Variants in TENM3 observed in about 807,000 individuals in gnomAD.
The protein encoded by TENM3 is teneurin-3.
TENM3 carries 63 observed loss-of-function variants against 255.1 expected under a neutral mutation model. That is an observed-to-expected ratio of 0.25 (90% CI 0.20 to 0.30). The LOEUF (loss-of-function observed/expected upper bound fraction) is 0.30, where lower values mean the gene tolerates loss of function less well. TENM3 is among the 10% of genes least tolerant of loss of function. The pLI, the probability that TENM3 is intolerant of heterozygous loss-of-function variation, is 1.00. For synonymous variants in TENM3, 1,306 were observed against 1,322.3 expected (o/e 0.99, Z 0.27); for missense variants, 2,929 against 3,461.1 (o/e 0.85, Z 3.86).
At chr4:181,514,845 T>G in the TENM3 span, among the ~76,000 whole-genome samples, 2 of 152,134 alleles carry the variant, frequency 1.3e-5, no homozygotes, top group Non-Finnish European at 2.9e-5. Flanking sequence ...AGAATGGATA[T>G]CGAATGGAAA....
intron 12 of TENM3, among the ~76,000 whole-genome samples, chr4:182,713,581 A>G (rs1394313105): frequency 6.6e-6 from 1 of 152,206 alleles, no homozygotes; most frequent in African/African-American, 2.4e-5. Context: ...GATAAAATTA[A>G]TGTTCTCTTT....
the TENM3 span, among the ~76,000 whole-genome samples, chr4:181,813,638 G>T: frequency 6.6e-6 from 1 of 152,228 alleles, no homozygotes; most frequent in South Asian, 2.1e-4. Flanking sequence ...GAAATGAGAT[G>T]GATTTCAATG....
At chr4:182,727,863 ACT>A (rs1491130608) in intron 13 of TENM3, among the ~76,000 whole-genome samples, 1 of 95,370 alleles carries the variant, frequency 1.0e-5, no homozygotes, top group African/African-American at 4.1e-5. Flanking sequence ...CCTTAGAAGA[ACT>A]TTTTTTTTTT....
At chr4:182,031,020 G>C in the TENM3 span, among the ~76,000 whole-genome samples, 869 of 152,284 alleles carry the variant, frequency 5.7e-3, 1 homozygote, top group Non-Finnish European at 8.8e-3. Flanking sequence ...TTGCTCTGAT[G>C]ATAGTTTCTT....
At chr4:182,481,399 T>G (rs1432581333) in intron 3 of TENM3, among the ~76,000 whole-genome samples, 1 of 152,208 alleles carries the variant, frequency 6.6e-6, no homozygotes, top group Non-Finnish European at 1.5e-5. Flanking sequence ...TAGTTATCTG[T>G]TTTAAACAAT....
chr4:181,510,810 C>T, the TENM3 span, among the ~76,000 whole-genome samples: 1 of 152,154 alleles, frequency 6.6e-6, no homozygotes. Context: ...AAGGTTCATC[C>T]TTTTTCTCAC....
chr4:182,127,442 T>C, the TENM3 span, among the ~76,000 whole-genome samples: 1 of 152,210 alleles, frequency 6.6e-6, no homozygotes, highest in Admixed American at 6.5e-5. Context: ...TCATATAAGA[T>C]GATTTATGTA....
At chr4:182,430,488 C>A (rs1285117215) in intron 3 of TENM3, among the ~76,000 whole-genome samples, 1 of 151,902 alleles carries the variant, frequency 6.6e-6, no homozygotes, top group African/African-American at 2.4e-5. Context: ...GGGGAGGTTG[C>A]AGTGAGCCAA....
chr4:181,603,035 C>T, the TENM3 span, among the ~76,000 whole-genome samples: 1 of 152,156 alleles, frequency 6.6e-6, no homozygotes, highest in Non-Finnish European at 1.5e-5. Flanking sequence ...GTGCCACCTG[C>T]TGAAATGGCT....
chr4:182,340,976 G>A (rs1296632607), intron 2 of TENM3, among the ~76,000 whole-genome samples: 1 of 152,066 alleles, frequency 6.6e-6, no homozygotes, highest in Non-Finnish European at 1.5e-5. Context: ...GGTTACTGTA[G>A]GAGAAATGAA....
At chr4:181,653,135 C>T in the TENM3 span, among the ~76,000 whole-genome samples, 49 of 152,286 alleles carry the variant, frequency 3.2e-4, no homozygotes, top group Admixed American at 2.9e-3. Flanking sequence ...GGGAATGCAG[C>T]GATCGGCAGG....
chr4:181,952,071 A>G, the TENM3 span, among the ~76,000 whole-genome samples: 1 of 152,236 alleles, frequency 6.6e-6, no homozygotes, highest in African/African-American at 2.4e-5. Flanking sequence ...GGTTTATTCC[A>G]TCCTTGTCAT....
At chr4:182,440,209 T>C in intron 3 of TENM3, among the ~76,000 whole-genome samples, 1 of 146,150 alleles carries the variant, frequency 6.8e-6, no homozygotes, top group East Asian at 2.0e-4. Flanking sequence ...GCCTCTCGGG[T>C]TCAAGCGATT....
At chr4:181,929,354 C>CAA in the TENM3 span, among the ~76,000 whole-genome samples, 3 of 122,174 alleles carry the variant, frequency 2.5e-5, no homozygotes, top group African/African-American at 5.9e-5. Flanking sequence ...AATGGAAAGG[C>CAA]AAAAAAAAAA....
At position 182,441,435 on chromosome 4, in the gene TENM3, T is replaced by C. The variant is rs537937802; in HGVS notation, c.511+94506T>C. The stretch of plus-strand genomic sequence containing the variant: ...AAGCAATTTTTTAAAATCTGGATTC[T>C]TCATTTCCATTGACCCATCCATTCA... On this transcript the variant is annotated intron_variant, in intron 3 of 27. Transcript: ENST00000511685. 1.1e-4 allele frequency among the ~76,000 whole-genome samples: 16 copies of C among 152,338 alleles called. No individual in the cohort carries two copies. In the South Asian group the frequency reaches 3.3e-3, roughly 32 times the overall value.
At chr4:182,763,662 T>C (rs1277964260) in intron 22 of TENM3, among the ~76,000 whole-genome samples, 1 of 152,144 alleles carries the variant, frequency 6.6e-6, no homozygotes, top group Non-Finnish European at 1.5e-5. Context: ...TTAAGCTAGG[T>C]CAGTTAGCGT....
the TENM3 span, among the ~76,000 whole-genome samples, chr4:181,891,907 A>AAT: frequency 6.6e-6 from 1 of 152,146 alleles, no homozygotes; most frequent in Non-Finnish European, 1.5e-5. Flanking sequence ...CCATTAAGCC[A>AAT]TGAGGACTCC....
At chr4:182,414,844 A>G (rs1305681777) in intron 3 of TENM3, among the ~76,000 whole-genome samples, 6 of 152,202 alleles carry the variant, frequency 3.9e-5, no homozygotes, top group African/African-American at 7.2e-5. Flanking sequence ...CACAAAGATA[A>G]ATGTAGATAC....
At chr4:182,225,220 G>A (rs914705035) in intron 1 of TENM3, among the ~76,000 whole-genome samples, 7 of 152,066 alleles carry the variant, frequency 4.6e-5, no homozygotes, top group African/African-American at 1.7e-4. Flanking sequence ...CTCAATATAC[G>A]GCAGCAATTA....
Sources: allele counts gnomAD v4.1 joint callset (sites outside exome capture counted in the v4.1 genomes callset), GRCh38; gene constraint gnomAD v4.1.1; transcripts MANE v1.5; gene names NCBI Gene and HGNC (gene_info 2026-07-23, HGNC 2026-07-21).